The following DNM1L variants were observed in gnomAD, a reference collection of about 807,000 sequenced individuals.
The protein encoded by DNM1L is dynamin 1L, also known as dynamin-1-like protein.
In DNM1L, 33 loss-of-function variants were observed where a neutral mutation model predicts 92.8. That is an observed-to-expected ratio of 0.36 (90% CI 0.27 to 0.48). The LOEUF is 0.48. DNM1L is among the 20% of genes least tolerant of loss of function. DNM1L has a pLI of 0.99. For synonymous variants in DNM1L, 284 were observed against 305.0 expected (o/e 0.93, Z 0.72); for missense variants, 485 against 888.8 (o/e 0.55, Z 5.78).
chr12:32,707,293 G>A, intron 2 of DNM1L, 74 bp from the exon 3 acceptor site: 1 of 1,207,640 alleles, frequency 8.3e-7, no homozygotes, highest in East Asian at 2.4e-5. Context: ...GTTTTATTAT[G>A]TTGCCTTTTT....
rs569542950 is a variant in DNM1L, at chr12:32,741,111, T to TAAAC, written c.1994+595_1994+598dup. ...AGATGAATTTTACTGCACAGAGTAA[T>TAAAC]AAACAGTCTAATACTTCATATTGAA... On this transcript the variant is annotated intron_variant, in intron 18 of 19. Coordinates refer to ENST00000549701, the MANE Select transcript of DNM1L (RefSeq NM_012062.5). Among the ~76,000 whole-genome samples, 86 of 152,358 alleles carry TAAAC rather than the reference T, an allele frequency of 5.6e-4. 2 individuals carry two copies. Among genetic ancestry groups the TAAAC allele is most frequent in the African/African-American group, 2.0e-3 (85 of 41,584 alleles).
intron 9 of DNM1L, chr12:32,727,498 G>T (rs1954226792): frequency 1.8e-6 from 1 of 549,142 alleles, no homozygotes; most frequent in Non-Finnish European, 3.3e-6. Flanking sequence ...AGCAGATGGC[G>T]CTAAAAAAAG....
At chr12:32,694,214 T>G (rs1170386604) in intron 1 of DNM1L, among the ~76,000 whole-genome samples, 1 of 152,122 alleles carries the variant, frequency 6.6e-6, no homozygotes, top group Non-Finnish European at 1.5e-5. Context: ...CTATCCTGAG[T>G]AGCTGGGACT....
intron 9 of DNM1L, among the ~76,000 whole-genome samples, chr12:32,723,578 C>T (rs1448147770): frequency 6.6e-6 from 1 of 151,346 alleles, no homozygotes; most frequent in Non-Finnish European, 1.5e-5. Flanking sequence ...GCTGTAATCC[C>T]AGCTACTTGG....
intron 1 of DNM1L, among the ~76,000 whole-genome samples, chr12:32,695,644 G>A (rs1952413989): frequency 6.6e-6 from 1 of 151,912 alleles, no homozygotes; most frequent in Non-Finnish European, 1.5e-5. Flanking sequence ...GATGGTGTAT[G>A]CGTGTAGTCC....
At chr12:32,724,138 C>T (rs7300090) in intron 9 of DNM1L, among the ~76,000 whole-genome samples, 21,516 of 152,124 alleles carry the variant, frequency 0.14, 1,566 homozygotes, top group Middle Eastern at 0.19. Context: ...TTAATGGCAT[C>T]TTTTGTCAAA....
intron 1 of DNM1L, among the ~76,000 whole-genome samples, chr12:32,683,531 G>GATTTT (rs201584447): frequency 6.7e-6 from 1 of 150,032 alleles, no homozygotes; most frequent in African/African-American, 2.5e-5. Flanking sequence ...AAATAATTTG[G>GATTTT]ATTTTATTTT....
rs751127554 is a variant in DNM1L at position 32,713,299 on chromosome 12, G to A, written c.547G>A (p.Ala183Thr). 1 of 1,613,782 alleles carries A rather than the reference G, an allele frequency of 6.2e-7. No homozygotes were observed. The highest frequency in any genetic ancestry group is 8.5e-7 in the Non-Finnish European group (1 of 1,179,922). The change falls in exon 6 of 20, where the codon GCT (alanine) becomes ACT (threonine). Residue 183 changes from alanine to threonine, a missense_variant. Transcript: ENST00000549701. ...FISNPNSIIL[A>T]VTAANTDMAT... ...CAGTAATCCTAATTCCATTATCCTC[G>A]CTGTCACTGCTGCTAATACAGATAT...
intron 6 of DNM1L, 114 bp from the exon 7 acceptor site, chr12:32,718,529 G>T: frequency 7.7e-7 from 1 of 1,294,716 alleles, no homozygotes; most frequent in Non-Finnish European, 1.1e-6. Flanking sequence ...GATGACAGAG[G>T]TAATACTAAG....
chr12:32,680,275 T>A (rs1951758548), intron 1 of DNM1L, among the ~76,000 whole-genome samples: 1 of 152,204 alleles, frequency 6.6e-6, no homozygotes. Context: ...AGAGGAGAAG[T>A]ATAATTTTCC....
chr12:32,682,466 T>C (rs113512470), intron 1 of DNM1L, among the ~76,000 whole-genome samples: 5 of 152,314 alleles, frequency 3.3e-5, no homozygotes, highest in African/African-American at 9.6e-5. Context: ...TCCTGGATCC[T>C]GTCTCCAGAG....
At chr12:32,740,626 C>A in intron 18 of DNM1L, 108 bp downstream of exon 18, 1 of 1,029,008 alleles carries the variant, frequency 9.7e-7, no homozygotes, top group Non-Finnish European at 1.4e-6. Flanking sequence ...TATTCTAAAT[C>A]ATCAAGTGGA....
At chr12:32,726,770 A>G (rs943789275) in intron 9 of DNM1L, 2 of 617,210 alleles carry the variant, frequency 3.2e-6, no homozygotes, top group Middle Eastern at 4.5e-4. Flanking sequence ...CTTTTTTCCA[A>G]TCTATCTGGC....
chr12:32,702,834 A>T (rs1047357377), intron 2 of DNM1L, among the ~76,000 whole-genome samples: 10 of 152,146 alleles, frequency 6.6e-5, no homozygotes, highest in African/African-American at 2.2e-4. Flanking sequence ...TTTTAATTAC[A>T]TTAGGTAGCT....
At position 32,733,672 on chromosome 12, in the gene DNM1L, G is replaced by C. The variant is rs765202815; in HGVS notation, c.1447-43G>C. 10 of 1,500,158 alleles carry C rather than the reference G, an allele frequency of 6.7e-6. No individual in the cohort carries two copies. The Admixed American group carries it at 1.7e-4, about 25-fold the overall frequency. The allele number at this position is 1,500,158 out of a possible 1,614,324, so 92.9% of individuals were successfully genotyped here. A position where few individuals can be genotyped will look rare whatever the true frequency, so the allele number is the denominator to read the frequency against. ...TATAAATTTCTCAAAGTAAAATATG[G>C]TTGATGTATTTTTGTATATCGCCTA... On this transcript the variant is annotated intron_variant, in intron 12 of 19. Transcript: ENST00000549701.
intron 9 of DNM1L, among the ~76,000 whole-genome samples, chr12:32,724,517 A>C (rs1402260951): frequency 6.8e-6 from 1 of 146,992 alleles, no homozygotes; most frequent in Non-Finnish European, 1.5e-5. Flanking sequence ...TGGAGGTTGC[A>C]GTGAGCTGAG....
Position 32,744,574 on chromosome 12 carries a change from G to A in DNM1L, c.*1164G>A, listed in dbSNP as rs1210506802. 1.4e-5 allele frequency: 3 copies of A among 208,808 alleles called. No individual in the cohort carries two copies. Among genetic ancestry groups the A allele is most frequent in the Non-Finnish European group, 1.9e-5 (2 of 104,552 alleles). 12.9% of individuals were successfully genotyped at this position (208,808 alleles called of 1,614,324 possible). On this transcript the variant is annotated 3_prime_UTR_variant, in exon 20 of 20. Transcript: ENST00000549701. The stretch of plus-strand genomic sequence containing the variant: ...ACTAAAAATACAAAATTGGCCGGGC[G>A]TGGTGGCGCATGCCTGTAATCCCAG...
chr12:32,742,869 G>T, intron 19 of DNM1L, 121 bp downstream of exon 19: 74 of 587,600 alleles, frequency 1.3e-4, no homozygotes, highest in Non-Finnish European at 1.9e-4. Context: ...CTTGTTTCCT[G>T]TTGGTACTTG....
intron 1 of DNM1L, chr12:32,679,836 G>A: frequency 1.0e-6 from 1 of 1,004,396 alleles, no homozygotes; most frequent in East Asian, 9.8e-5. Context: ...TGGGGGACGC[G>A]CGGGGCACTC....
Sources: gnomAD v4.1 joint callset for allele counts (sites outside exome capture counted in the v4.1 genomes callset) on GRCh38, gnomAD v4.1.1 for gene constraint, MANE v1.5 for transcripts, NCBI Gene and HGNC (gene_info 2026-07-23, HGNC 2026-07-21) for gene names.